The following SMG8 variants were observed in gnomAD, a reference collection of about 807,000 sequenced individuals.
SMG8 encodes SMG8 nonsense mediated mRNA decay factor.
Under a neutral mutation model 82.1 loss-of-function variants are expected in SMG8, and 49 were observed. That is an observed-to-expected ratio of 0.60 (90% CI 0.47 to 0.76). The LOEUF (loss-of-function observed/expected upper bound fraction) is 0.76, where lower values mean the gene tolerates loss of function less well. SMG8 is among the 30% of genes least tolerant of loss of function. The pLI, the probability that SMG8 is intolerant of heterozygous loss-of-function variation, is 0.00. For synonymous variants in SMG8, 404 were observed against 430.0 expected (o/e 0.94, Z 0.75); for missense variants, 969 against 1,166.4 (o/e 0.83, Z 2.46).
chr17:59,212,247 T>C, intron 1 of SMG8, 94 bp from the exon 2 acceptor site: 1 of 975,134 alleles, frequency 1.0e-6, no homozygotes, highest in East Asian at 2.5e-5. Context: ...TGTATTTAGG[T>C]AAGGTTTTTG....
At position 59,213,047 on chromosome 17, in the gene SMG8, T is replaced by C. The variant is rs752660060; in HGVS notation, c.2224T>C (p.Ser742Pro). 3 of 1,614,176 alleles carry C rather than the reference T, an allele frequency of 1.9e-6. No individual in the cohort carries two copies. The highest frequency in any genetic ancestry group is 1.3e-5 in the African/African-American group (1 of 75,038). ...KRPNFVDRQASTVEYLPGMLH... is the reference protein window; with the variant it reads ...KRPNFVDRQAPTVEYLPGMLH... ...GCCAAACTTCGTTGATCGACAGGCA[T>C]CCACAGTTGAGTATCTCCCAGGCAT... is the stretch of plus-strand genomic sequence containing the variant. Residue 742 changes from serine (S) to proline (P), a missense_variant, in exon 3 of 4, where the codon TCC becomes CCC. Ser to Pro is a moderately conservative substitution (Grantham distance 74). Coordinates refer to ENST00000300917, the MANE Select transcript of SMG8 (RefSeq NM_018149.7).
rs201592188 is a variant in SMG8 at position 59,210,377 on chromosome 17, G to C, written c.326G>C (p.Gly109Ala). 31 of 1,610,332 alleles carry C rather than the reference G, an allele frequency of 1.9e-5. No homozygotes were observed. The African/African-American group carries it at 3.9e-4, about 20-fold the overall frequency. Residue 109 changes from glycine (G) to alanine (A), a missense_variant, in exon 1 of 4, where the codon GGG becomes GCG. Gly to Ala is a moderately conservative substitution (Grantham distance 60, BLOSUM62 0). Around this residue, in one of 3 missense-constraint regions of SMG8, gnomAD observed 206 missense variants for 190.5 expected, o/e 1.08. Transcript: ENST00000300917. ...GAGGCCGGTGGAGCCGAGGACCCTG[G>C]GGCTGCAGCCGGGGGTTCAGTTCGG... Reference protein sequence around the residue: ...VGEAGGAEDPGAAAGGSVRGS... With the variant: ...VGEAGGAEDPAAAAGGSVRGS...
Position 59,210,212 on chromosome 17 carries a change from G to T in SMG8, c.161G>T (p.Gly54Val), listed in dbSNP as rs1319775822. 1.2e-6 allele frequency: 2 copies of T among 1,603,050 alleles called. No homozygotes were observed. Among genetic ancestry groups the T allele is most frequent in the Admixed American group, 1.7e-5 (1 of 58,200 alleles). Residue 54 changes from glycine to valine, a missense_variant, in exon 1 of 4, where the codon GGC (glycine) becomes GTC (valine). This residue lies in a region of SMG8 where 206 missense variants were observed against 190.5 expected (regional missense o/e 1.08). Transcript: ENST00000300917. ...EDEICVVGIF[G>V]KTALRLNSEK... is the part of the protein sequence containing the mutation. ...GAGATCTGCGTTGTGGGAATCTTCGGCAAGACGGCTCTACGCCTGAATTCC... is the reference window on the plus strand; with the variant it reads ...GAGATCTGCGTTGTGGGAATCTTCGTCAAGACGGCTCTACGCCTGAATTCC...
At position 59,214,789 on chromosome 17, in the gene SMG8, T is replaced by C; in HGVS notation, c.2779-16T>C. The stretch of plus-strand genomic sequence containing the variant: ...TTGAGAAATGTGAAAATAATTATAC[T>C]ACCTGTGTTTTTCAGGTTCAGCCAG... On this transcript the variant is annotated splice_polypyrimidine_tract_variant and intron_variant, in intron 3 of 3. Coordinates refer to ENST00000300917, the MANE Select transcript of SMG8 (RefSeq NM_018149.7). 1.1e-6 allele frequency: 1 copy of C among 870,956 alleles called. No homozygotes were observed. The highest frequency in any genetic ancestry group is 2.0e-6 in the Non-Finnish European group (1 of 500,722). 54.0% of individuals were successfully genotyped at this position (870,956 alleles called of 1,614,324 possible). A position where few individuals can be genotyped will look rare whatever the true frequency, so the allele number is the denominator to read the frequency against.
rs781072215 is a variant in SMG8, at chr17:59,210,205, A to G, written c.154A>G (p.Ile52Val). Reference protein sequence around the residue: ...WREDEICVVGIFGKTALRLNS... With the variant: ...WREDEICVVGVFGKTALRLNS... ...GGAGGATGAGATCTGCGTTGTGGGA[A>G]TCTTCGGCAAGACGGCTCTACGCCT... The change falls in exon 1 of 4, where the codon ATC becomes GTC. Residue 52 changes from isoleucine (I) to valine (V), a missense_variant. Ile to Val is a conservative substitution (Grantham distance 29, BLOSUM62 3). Transcript: ENST00000300917. 6 of 1,601,474 alleles carry G rather than the reference A, an allele frequency of 3.7e-6. No homozygotes were observed. In the East Asian group the frequency reaches 1.1e-4, roughly 30 times the overall value.
In SMG8 at chr17:59,212,960, C is replaced by T. The variant is rs781190212; in HGVS notation, c.2137C>T (p.Pro713Ser). The change falls in exon 3 of 4, where the codon CCA (proline) becomes TCA (serine). Residue 713 changes from proline (P) to serine (S), a missense_variant. Coordinates refer to ENST00000300917, the MANE Select transcript of SMG8 (RefSeq NM_018149.7). ...TDSLGTYPAD[P>S]QAGGDNPEVH... The stretch of plus-strand genomic sequence containing the variant: ...TAGCTTAGGTACCTATCCAGCTGAT[C>T]CACAAGCAGGAGGAGATAATCCAGA... 5 of 1,614,108 alleles carry T rather than the reference C, an allele frequency of 3.1e-6. No homozygotes were observed. Among genetic ancestry groups the T allele is most frequent in the Non-Finnish European group, 4.2e-6 (5 of 1,180,032 alleles).
intron 1 of SMG8, 30 bp downstream of exon 1, chr17:59,211,840 T>G: frequency 1.3e-6 from 2 of 1,493,340 alleles, no homozygotes; most frequent in Non-Finnish European, 1.8e-6. Flanking sequence ...CATTTTGAAA[T>G]AAAAACTTTG....
In SMG8 at chr17:59,210,338, C is replaced by T; in HGVS notation, c.287C>T (p.Ala96Val). 1 of 1,612,470 alleles carries T rather than the reference C, an allele frequency of 6.2e-7. No individual in the cohort carries two copies. Among genetic ancestry groups the T allele is most frequent in the Non-Finnish European group, 8.5e-7 (1 of 1,179,494 alleles). The change falls in exon 1 of 4, where the codon GCT (alanine) becomes GTT (valine). Residue 96 changes from alanine to valine, a missense_variant. By Grantham distance (64) the Ala-to-Val change is moderately conservative. This residue lies in a region of SMG8 where 206 missense variants were observed against 190.5 expected (regional missense o/e 1.08). Coordinates refer to ENST00000300917, the MANE Select transcript of SMG8 (RefSeq NM_018149.7). The stretch of plus-strand genomic sequence containing the variant: ...CCAGGACCTGGAATCAGAACTGAGG[C>T]TGGCGCCGTGGGTGAGGCCGGTGGA... ...GDPGPGIRTE[A>V]GAVGEAGGAE...
At position 59,213,473 on chromosome 17, in the gene SMG8, A is replaced by C; in HGVS notation, c.2650A>C (p.Asn884His). ...GPKESALKAL[N>H]SDMPLYILSS... The stretch of plus-strand genomic sequence containing the variant: ...AAAGGAATCAGCTTTAAAAGCCCTA[A>C]ATAGTGACATGCCCTTATATATTCT... Residue 884 changes from asparagine (N) to histidine (H), a missense_variant, in exon 3 of 4, where the codon AAT becomes CAT. By Grantham distance (68) the Asn-to-His change is moderately conservative (BLOSUM62 1). Around this residue, in one of 3 missense-constraint regions of SMG8, gnomAD observed 662 missense variants for 884.8 expected, o/e 0.75. Transcript: ENST00000300917. The C allele has an allele frequency of 6.2e-7, 1 of 1,614,190 alleles. No individual in the cohort carries two copies. The highest frequency in any genetic ancestry group is 8.5e-7 in the Non-Finnish European group (1 of 1,180,040).
Position 59,212,753 on chromosome 17 carries a change from A to G in SMG8, c.1930A>G (p.Lys644Glu). Reference protein sequence around the residue: ...YQLLEEKCCGKLDHINFPVFE... With the variant: ...YQLLEEKCCGELDHINFPVFE... ...GCTTCTGGAAGAAAAGTGTTGTGGA[A>G]AATTGGATCATATCAATTTCCCAGT... is the stretch of plus-strand genomic sequence containing the variant. The change falls in exon 3 of 4, where the codon AAA (lysine) becomes GAA (glutamate). Residue 644 changes from lysine to glutamate, a missense_variant. Lys to Glu is a moderately conservative substitution (Grantham distance 56, BLOSUM62 1). This residue lies in a region of SMG8 where 662 missense variants were observed against 884.8 expected (regional missense o/e 0.75). Coordinates refer to ENST00000300917, the MANE Select transcript of SMG8 (RefSeq NM_018149.7). 1 of 1,606,768 alleles carries G rather than the reference A, an allele frequency of 6.2e-7. No individual in the cohort carries two copies. Among genetic ancestry groups the G allele is most frequent in the South Asian group, 1.1e-5 (1 of 89,034 alleles).
At position 59,210,801 on chromosome 17, in the gene SMG8, TG is replaced by T. The variant is rs749070566; in HGVS notation, c.752del (p.Gly251AlafsTer6). On this transcript the variant is annotated frameshift_variant, in exon 1 of 4. Transcript: ENST00000300917. LOFTEE classifies it high-confidence loss of function. ...LKTAIKDCPV[G>X]KDWKLNCRPC... Reference sequence around the variant, plus strand: ...AAACAGCCATTAAGGATTGTCCAGTTGGCAAAGACTGGAAGCTAAACTGCCG... The same window carrying T: ...AAACAGCCATTAAGGATTGTCCAGTTGCAAAGACTGGAAGCTAAACTGCCG... The T allele has an allele frequency of 6.2e-7, 1 of 1,614,074 alleles. No homozygotes were observed. The highest frequency in any genetic ancestry group is 1.3e-5 in the African/African-American group (1 of 74,936).
chr17:59,211,825 T>C lies in SMG8; in HGVS notation c.1759+15T>C. 6.6e-7 allele frequency: 1 copy of C among 1,506,212 alleles called. No individual in the cohort carries two copies. The highest frequency in any genetic ancestry group is 8.8e-7 in the Non-Finnish European group (1 of 1,135,032). 93.3% of individuals were successfully genotyped at this position (1,506,212 alleles called of 1,614,324 possible). A position where few individuals can be genotyped will look rare whatever the true frequency, so the allele number is the denominator to read the frequency against. On this transcript the variant is annotated intron_variant, in intron 1 of 3. Transcript: ENST00000300917. Reference sequence around the variant, plus strand: ...ACCTAAATCAGGTAGCTAAAATTTGTTCAGCATTTTGAAATAAAAACTTTG... The same window carrying C: ...ACCTAAATCAGGTAGCTAAAATTTGCTCAGCATTTTGAAATAAAAACTTTG...
Position 59,211,059 on chromosome 17 carries a change from G to A in SMG8, c.1008G>A (p.Val336=), listed in dbSNP as rs2046943671. The part of the protein sequence containing the change: ...LFTVPANQAF[V]YIVPGSQEED... ...CTGTGCCTGCCAACCAAGCTTTCGT[G>A]TACATAGTACCGGGAAGCCAGGAGG... The change falls in exon 1 of 4, where the codon GTG becomes GTA. Residue 336 remains valine (V), a synonymous_variant. Transcript: ENST00000300917. 6.2e-7 allele frequency: 1 copy of A among 1,614,082 alleles called. No homozygotes were observed. The highest frequency in any genetic ancestry group is 1.3e-5 in the African/African-American group (1 of 74,930).
intron 3 of SMG8, 47 bp downstream of exon 3, chr17:59,213,648 A>G: frequency 1.3e-6 from 2 of 1,534,658 alleles, no homozygotes; most frequent in Non-Finnish European, 1.7e-6. Context: ...AAAAATGCTG[A>G]TGTTTGTTTT....
In SMG8 at chr17:59,215,003, G is replaced by T. The variant is rs372496724; in HGVS notation, c.*1G>T. 65 of 872,612 alleles carry T rather than the reference G, an allele frequency of 7.4e-5. 1 individual carries two copies. Among genetic ancestry groups the T allele is most frequent in the Middle Eastern group, 6.5e-4 (3 of 4,610 alleles). The allele number at this position is 872,612 out of a possible 1,614,324, so 54.1% of individuals were successfully genotyped here. ...GGTTCTTAAGGCAGTAACACAATAA[G>T]TGTTTTCCAGCCAGTTCAATCCTAT... On this transcript the variant is annotated 3_prime_UTR_variant, in exon 4 of 4. Coordinates refer to ENST00000300917, the MANE Select transcript of SMG8 (RefSeq NM_018149.7).
Position 59,212,813 on chromosome 17 carries a change from A to G in SMG8, c.1990A>G (p.Lys664Glu), listed in dbSNP as rs1340525016. The G allele has an allele frequency of 2.5e-6, 4 of 1,613,978 alleles. No homozygotes were observed. The highest frequency in any genetic ancestry group is 2.5e-6 in the Non-Finnish European group (3 of 1,180,028). Residue 664 changes from lysine (K) to glutamate (E), a missense_variant, in exon 3 of 4, where the codon AAA (lysine) becomes GAA (glutamate). Transcript: ENST00000300917. ...EPSTPDPAPA[K>E]NESSPAPPDS... is the part of the protein sequence containing the mutation. ...AAGTACTCCAGATCCTGCTCCTGCT[A>G]AAAATGAATCCTCTCCTGCTCCTCC...
chr17:59,214,065 C>A (rs2046956742), intron 3 of SMG8, among the ~76,000 whole-genome samples: 1 of 152,062 alleles, frequency 6.6e-6, no homozygotes, highest in Non-Finnish European at 1.5e-5. Context: ...GGCGGATCAC[C>A]TGAAGTCAGG....
At chr17:59,213,864 G>T (rs1328004906) in intron 3 of SMG8, among the ~76,000 whole-genome samples, 1 of 151,976 alleles carries the variant, frequency 6.6e-6, no homozygotes, top group African/African-American at 2.4e-5. Context: ...AATTAAACAG[G>T]TCTTAAATTT....
Position 59,210,047 on chromosome 17 carries a change from G to T in SMG8, c.-5G>T. 6.5e-7 allele frequency: 1 copy of T among 1,545,174 alleles called. No homozygotes were observed. Among genetic ancestry groups the T allele is most frequent in the Non-Finnish European group, 8.7e-7 (1 of 1,153,380 alleles). On this transcript the variant is annotated 5_prime_UTR_variant, in exon 1 of 4. Coordinates refer to ENST00000300917, the MANE Select transcript of SMG8 (RefSeq NM_018149.7). The stretch of plus-strand genomic sequence containing the variant: ...CCGGAAGGACTCTAGAGAACGCTCT[G>T]CACTATGGCTGGTCCCGTGAGCTTG...
Sources: gnomAD v4.1 joint callset for allele counts (sites outside exome capture counted in the v4.1 genomes callset) on GRCh38, gnomAD v4.1.1 for gene constraint, gnomAD v4.1.1 regional missense constraint, MANE v1.5 for transcripts, NCBI Gene and HGNC (gene_info 2026-07-23, HGNC 2026-07-21) for gene names.